B3GALT1: variants seen among roughly 807,000 people sequenced by gnomAD.
The protein encoded by B3GALT1 is beta-1,3-galactosyltransferase 1, also known as UDP-Gal:betaGlcNAc beta 1,3-galactosyltransferase, polypeptide 1.
Under a neutral mutation model 23.2 loss-of-function variants are expected in B3GALT1, and 10 were observed. The observed-to-expected ratio is 0.43, with a 90% CI of 0.27 to 0.73. B3GALT1 has a LOEUF of 0.73. Ranked by LOEUF, B3GALT1 falls within the 30% of genes least tolerant of loss-of-function variation. The pLI, the probability that B3GALT1 is intolerant of heterozygous loss-of-function variation, is 0.21. For missense variants in B3GALT1, 299 were observed against 405.4 expected (o/e 0.74, Z 2.25); for synonymous variants, 156 against 141.5 (o/e 1.10, Z -0.73).
intron 2 of B3GALT1, among the ~76,000 whole-genome samples, chr2:167,606,405 A>G (rs1574164141): frequency 6.6e-6 from 1 of 152,226 alleles, no homozygotes; most frequent in Non-Finnish European, 1.5e-5. Flanking sequence ...AAAAAATTAT[A>G]TCATTAAACT....
chr2:167,542,971 T>C (rs978729171), intron 2 of B3GALT1, among the ~76,000 whole-genome samples: 3 of 152,084 alleles, frequency 2.0e-5, no homozygotes, highest in African/African-American at 7.2e-5. Flanking sequence ...AAAATGTAGA[T>C]GTAAATATTC....
rs185299861 is a variant in B3GALT1 at position 167,356,160 on chromosome 2, T to G, written c.-511+62826T>G. ...CCCCTGCTCACTGCAGGAACTGCTC[T>G]TGATTAGGTGGTAGGTTGATACTTC... On this transcript the variant is annotated intron_variant, in intron 1 of 4. Coordinates refer to ENST00000392690, the MANE Select transcript of B3GALT1 (RefSeq NM_020981.4). Among the ~76,000 whole-genome samples, 127 of 152,340 alleles carry G rather than the reference T, an allele frequency of 8.3e-4. 4 individuals carry two copies. The highest frequency in any genetic ancestry group is 8.3e-3 in the Admixed American group (127 of 15,308).
chr2:167,327,813 A>C (rs1696918003), intron 1 of B3GALT1, among the ~76,000 whole-genome samples: 1 of 152,168 alleles, frequency 6.6e-6, no homozygotes, highest in Non-Finnish European at 1.5e-5. Flanking sequence ...TCTTACAGGA[A>C]AGGCTTTCAA....
chr2:167,309,030 T>C (rs2105484830), intron 1 of B3GALT1, among the ~76,000 whole-genome samples: 1 of 152,168 alleles, frequency 6.6e-6, no homozygotes, highest in Middle Eastern at 3.4e-3. Context: ...AATACCTGGC[T>C]TAATATCCAA....
chr2:167,397,094 G>A (rs900823125), intron 1 of B3GALT1, among the ~76,000 whole-genome samples: 6 of 152,014 alleles, frequency 3.9e-5, no homozygotes, highest in Non-Finnish European at 5.9e-5. Flanking sequence ...CCTTTGAAAG[G>A]CAGTATGGCT....
At chr2:167,838,676 A>G (rs1689552328) in intron 4 of B3GALT1, among the ~76,000 whole-genome samples, 1 of 152,296 alleles carries the variant, frequency 6.6e-6, no homozygotes, top group Admixed American at 6.5e-5. Context: ...AACTCATTTT[A>G]TGAGGCCAGC....
chr2:167,771,661 T>C (rs1405753163), intron 3 of B3GALT1, among the ~76,000 whole-genome samples: 1 of 152,222 alleles, frequency 6.6e-6, no homozygotes, highest in East Asian at 1.9e-4. Context: ...ATATATTCCA[T>C]ATTTGGCCTT....
At chr2:167,858,926 T>C (rs1251314607) in intron 4 of B3GALT1, among the ~76,000 whole-genome samples, 3 of 152,174 alleles carry the variant, frequency 2.0e-5, no homozygotes, top group Non-Finnish European at 2.9e-5. Flanking sequence ...CCCTAGACTT[T>C]GTAAATTTTA....
chr2:167,818,090 A>T (rs888027802), intron 3 of B3GALT1, among the ~76,000 whole-genome samples: 1 of 152,248 alleles, frequency 6.6e-6, no homozygotes, highest in Non-Finnish European at 1.5e-5. Flanking sequence ...GACCTTAGGT[A>T]AAAGCTGGCC....
At chr2:167,406,334 G>C (rs1698275262) in intron 1 of B3GALT1, among the ~76,000 whole-genome samples, 1 of 152,006 alleles carries the variant, frequency 6.6e-6, no homozygotes, top group Non-Finnish European at 1.5e-5. Flanking sequence ...CCCCACCACA[G>C]AAATCCAGAA....
At chr2:167,697,302 A>G (rs913040569) in intron 3 of B3GALT1, among the ~76,000 whole-genome samples, 4 of 152,226 alleles carry the variant, frequency 2.6e-5, no homozygotes, top group Non-Finnish European at 5.9e-5. Flanking sequence ...AAAAGAAGCC[A>G]TGCCATGAAT....
At chr2:167,656,032 G>A (rs1247247449) in intron 3 of B3GALT1, among the ~76,000 whole-genome samples, 1 of 152,160 alleles carries the variant, frequency 6.6e-6, no homozygotes, top group Non-Finnish European at 1.5e-5. Context: ...CCTGATGACA[G>A]TGACAGTCTC....
At chr2:167,479,088 A>T (rs888591666) in intron 1 of B3GALT1, among the ~76,000 whole-genome samples, 1 of 152,032 alleles carries the variant, frequency 6.6e-6, no homozygotes, top group Non-Finnish European at 1.5e-5. Context: ...AAGTAAATAA[A>T]TAAATAATAA....
chr2:167,795,165 A>G (rs6705218), intron 3 of B3GALT1, among the ~76,000 whole-genome samples: 6,311 of 152,200 alleles, frequency 0.041, 476 homozygotes, highest in African/African-American at 0.14. Flanking sequence ...TATTATTTCA[A>G]TTAAAGTTCT....
intron 1 of B3GALT1, among the ~76,000 whole-genome samples, chr2:167,447,894 G>T (rs1281154023): frequency 6.6e-6 from 1 of 152,034 alleles, no homozygotes; most frequent in Non-Finnish European, 1.5e-5. Context: ...AGATGAACCT[G>T]GTACCTCAGT....
rs200390363 is a variant in B3GALT1 at position 167,488,337 on chromosome 2, TTGTC to T, written c.-510-1836_-510-1833del. On this transcript the variant is annotated intron_variant, in intron 1 of 4. Coordinates refer to ENST00000392690, the MANE Select transcript of B3GALT1 (RefSeq NM_020981.4). ...AATTCTTTGTTTTTGTCTACTTTAA[TTGTC>T]TGTTTTCCCCCAACAGACTCTAATG... Among the ~76,000 whole-genome samples, 21 of 152,350 alleles carry T rather than the reference TTGTC, an allele frequency of 1.4e-4. No homozygotes were observed. In the East Asian group the frequency reaches 3.7e-3, roughly 27 times the overall value.
chr2:167,793,050 A>G (rs1688472259), intron 3 of B3GALT1, among the ~76,000 whole-genome samples: 2 of 152,154 alleles, frequency 1.3e-5, no homozygotes, highest in African/African-American at 4.8e-5. Flanking sequence ...TGAAAATTAT[A>G]TAAACCGAAA....
At chr2:167,512,899 C>A (rs551589879) in intron 2 of B3GALT1, among the ~76,000 whole-genome samples, 17 of 148,544 alleles carry the variant, frequency 1.1e-4, no homozygotes, top group African/African-American at 4.2e-4. Context: ...CTGCCTCAGC[C>A]TCCCAAAGTG....
chr2:167,632,852 T>C (rs976439165), intron 2 of B3GALT1, among the ~76,000 whole-genome samples: 16 of 152,098 alleles, frequency 1.1e-4, no homozygotes, highest in Non-Finnish European at 2.2e-4. Flanking sequence ...TTTGGTGTTT[T>C]AGTCATGAAT....
Sources: gnomAD v4.1 joint callset for allele counts (sites outside exome capture counted in the v4.1 genomes callset) on GRCh38, gnomAD v4.1.1 for gene constraint, MANE v1.5 for transcripts, NCBI Gene and HGNC (gene_info 2026-07-23, HGNC 2026-07-21) for gene names.